The following MARCHF11 variants were observed in gnomAD, a reference collection of about 807,000 sequenced individuals.
MARCHF11 encodes the protein membrane associated ring-CH-type finger 11.
Under a neutral mutation model 37.3 loss-of-function variants are expected in MARCHF11, and 29 were observed. That is an observed-to-expected ratio of 0.78 (90% confidence interval 0.58 to 1.06). MARCHF11 has a LOEUF of 1.06. Ranked by LOEUF, MARCHF11 falls within the 50% of genes least tolerant of loss-of-function variation. The probability of loss-of-function intolerance (pLI) is 0.00; values close to 1 mark genes in which losing one functional copy is unlikely to be tolerated. For missense variants in MARCHF11, 482 were observed against 533.4 expected (o/e 0.90, Z 0.95); for synonymous variants, 233 against 228.0 (o/e 1.02, Z -0.20).
intron 1 of MARCHF11, among the ~76,000 whole-genome samples, chr5:16,178,286 A>G (rs956401743): frequency 6.6e-6 from 1 of 152,210 alleles, no homozygotes; most frequent in Non-Finnish European, 1.5e-5. Flanking sequence ...TTCTAAATGT[A>G]GCATCATAAA....
intron 2 of MARCHF11, among the ~76,000 whole-genome samples, chr5:16,165,800 C>T (rs1014292090): frequency 1.3e-5 from 2 of 151,978 alleles, no homozygotes; most frequent in African/African-American, 2.4e-5. Context: ...CTAGCCTTCT[C>T]GATTGTAAAG....
chr5:16,158,307 T>C (rs190079007), intron 2 of MARCHF11, among the ~76,000 whole-genome samples: 155 of 152,030 alleles, frequency 1.0e-3, no homozygotes, highest in African/African-American at 3.3e-3. Flanking sequence ...GTATGATCCA[T>C]AGATATCTGC....
At chr5:16,101,027 G>A (rs1365264435) in intron 2 of MARCHF11, among the ~76,000 whole-genome samples, 4 of 151,846 alleles carry the variant, frequency 2.6e-5, no homozygotes, top group Admixed American at 2.6e-4. Flanking sequence ...CGACTACAGG[G>A]TACAGAGTCC....
At chr5:16,102,846 C>T (rs548038514) in intron 2 of MARCHF11, among the ~76,000 whole-genome samples, 2 of 152,290 alleles carry the variant, frequency 1.3e-5, no homozygotes, top group South Asian at 4.1e-4. Context: ...CTTGCCCTGG[C>T]TCCTGGAGCC....
chr5:16,153,873 C>G (rs1293182351), intron 2 of MARCHF11, among the ~76,000 whole-genome samples: 1 of 151,916 alleles, frequency 6.6e-6, no homozygotes, highest in Non-Finnish European at 1.5e-5. Flanking sequence ...AACCTGTAGA[C>G]TTTTCTAGAC....
chr5:16,077,451 A>C (rs1736541483), intron 3 of MARCHF11, among the ~76,000 whole-genome samples: 1 of 152,174 alleles, frequency 6.6e-6, no homozygotes, highest in Non-Finnish European at 1.5e-5. Context: ...TAAAGATCTA[A>C]ATTGAAATGT....
intron 2 of MARCHF11, among the ~76,000 whole-genome samples, chr5:16,170,441 C>G (rs574150940): frequency 6.6e-6 from 1 of 152,136 alleles, no homozygotes; most frequent in African/African-American, 2.4e-5. Context: ...TTTCTATGGT[C>G]TGAAGAACTG....
intron 3 of MARCHF11, among the ~76,000 whole-genome samples, chr5:16,068,101 T>C (rs990582431): frequency 3.9e-5 from 6 of 152,198 alleles, no homozygotes; most frequent in Admixed American, 1.3e-4. Context: ...GGAGAATCAT[T>C]AGGTTCATTT....
chr5:16,119,466 C>T (rs1039049956), intron 2 of MARCHF11, among the ~76,000 whole-genome samples: 1 of 152,204 alleles, frequency 6.6e-6, no homozygotes, highest in South Asian at 2.1e-4. Context: ...AGGATGTACC[C>T]TGAGGAGGCT....
chr5:16,140,224 T>A, intron 2 of MARCHF11, among the ~76,000 whole-genome samples: 1 of 152,048 alleles, frequency 6.6e-6, no homozygotes, highest in South Asian at 2.1e-4. Flanking sequence ...AATGCATAAT[T>A]ATTTTAGAAA....
chr5:16,145,693 TATAA>T (rs1266017714), intron 2 of MARCHF11, among the ~76,000 whole-genome samples: 4 of 151,884 alleles, frequency 2.6e-5, no homozygotes, highest in South Asian at 2.1e-4. Context: ...TCTGGAAAAA[TATAA>T]ATAAACAATG....
chr5:16,159,903 A>G (rs1738042579), intron 2 of MARCHF11, among the ~76,000 whole-genome samples: 1 of 151,998 alleles, frequency 6.6e-6, no homozygotes, highest in Non-Finnish European at 1.5e-5. Context: ...AATCCTTGGT[A>G]ATTAAAAATC....
intron 2 of MARCHF11, among the ~76,000 whole-genome samples, chr5:16,175,713 C>T (rs1738343840): frequency 6.6e-6 from 1 of 152,172 alleles, no homozygotes; most frequent in South Asian, 2.1e-4. Context: ...CAAGAAACCA[C>T]CTATTCACAA....
chr5:16,074,305 A>G (rs909096517), intron 3 of MARCHF11, among the ~76,000 whole-genome samples: 1 of 152,244 alleles, frequency 6.6e-6, no homozygotes, highest in African/African-American at 2.4e-5. Context: ...AAAGTCTGAA[A>G]GAGAATAAAT....
chr5:16,141,859 T>C (rs930500431), intron 2 of MARCHF11, among the ~76,000 whole-genome samples: 3 of 152,206 alleles, frequency 2.0e-5, no homozygotes, highest in African/African-American at 7.2e-5. Flanking sequence ...AGTATCCAAG[T>C]ACTTCACATT....
At chr5:16,087,722 GA>G (rs976143919) in intron 3 of MARCHF11, among the ~76,000 whole-genome samples, 4 of 150,298 alleles carry the variant, frequency 2.7e-5, no homozygotes, top group Non-Finnish European at 4.4e-5. Flanking sequence ...TTAATAGCAA[GA>G]AAAAAAAACT....
chr5:16,112,539 G>A (rs977516117), intron 2 of MARCHF11, among the ~76,000 whole-genome samples: 3 of 152,186 alleles, frequency 2.0e-5, no homozygotes, highest in Non-Finnish European at 2.9e-5. Flanking sequence ...ATTGTATCTA[G>A]GAAGTAACTA....
At chr5:16,172,565 C>T (rs73046504) in intron 2 of MARCHF11, among the ~76,000 whole-genome samples, 365 of 152,272 alleles carry the variant, frequency 2.4e-3, no homozygotes, top group African/African-American at 6.5e-3. Context: ...ATTTTTAAGC[C>T]ATGAAATGCA....
In MARCHF11 at chr5:16,122,822, G is replaced by A. The variant is rs111547871; in HGVS notation, c.694-31741C>T. On this transcript the variant is annotated intron_variant, in intron 2 of 3. Coordinates refer to ENST00000332432, the MANE Select transcript of MARCHF11 (RefSeq NM_001102562.3). Reference sequence around the variant, plus strand: ...CACATCATCAAAGGAGAGGGCCACAGAGATGTTTAAAAACCATCAGACCCC... The same window carrying A: ...CACATCATCAAAGGAGAGGGCCACAAAGATGTTTAAAAACCATCAGACCCC... Among the ~76,000 whole-genome samples the A allele has an allele frequency of 3.0e-3, 452 of 152,308 alleles. 6 individuals carry two copies. The highest frequency in any genetic ancestry group is 9.8e-3 in the African/African-American group (409 of 41,568).
Sources: allele counts gnomAD v4.1 joint callset (sites outside exome capture counted in the v4.1 genomes callset), GRCh38; gene constraint gnomAD v4.1.1; transcripts MANE v1.5; gene names NCBI Gene and HGNC (gene_info 2026-07-23, HGNC 2026-07-21).